BMP2K: variants seen among roughly 807,000 people sequenced by gnomAD.
BMP2K encodes the protein BMP2 inducible kinase.
A neutral mutation model predicts 116.0 loss-of-function variants in BMP2K; 74 were observed. The observed-to-expected ratio is 0.64, with a 90% confidence interval of 0.53 to 0.77. The LOEUF (loss-of-function observed/expected upper bound fraction) is 0.77. BMP2K is among the 30% of genes least tolerant of loss of function. The pLI is 0.00. For missense variants in BMP2K, 1,365 were observed against 1,403.6 expected, an observed-to-expected ratio of 0.97 and a Z score of 0.44; for synonymous variants, 486 against 502.5, an observed-to-expected ratio of 0.97 and a Z score of 0.44.
intron 14 of BMP2K, among the ~76,000 whole-genome samples, chr4:78,880,782 C>T (rs757765711): frequency 9.2e-5 from 14 of 152,180 alleles, no homozygotes; most frequent in African/African-American, 3.1e-4. Context: ...ACTTCATGAT[C>T]AGATGCCATT....
At chr4:78,874,257 A>T (rs1189743496) in intron 13 of BMP2K, among the ~76,000 whole-genome samples, 2 of 152,084 alleles carry the variant, frequency 1.3e-5, no homozygotes, top group East Asian at 3.9e-4. Context: ...TCTAGTTAAA[A>T]TTTTTTGCTT....
At chr4:78,847,747 T>C (rs939073254) in intron 6 of BMP2K, among the ~76,000 whole-genome samples, 53 of 151,894 alleles carry the variant, frequency 3.5e-4, no homozygotes, top group African/African-American at 1.2e-3. Context: ...TCATTTAGCC[T>C]GTATATATCT....
intron 4 of BMP2K, among the ~76,000 whole-genome samples, chr4:78,844,116 A>T (rs934483993): frequency 6.6e-6 from 1 of 151,858 alleles, no homozygotes; most frequent in Non-Finnish European, 1.5e-5. Flanking sequence ...TGTAATAGTA[A>T]TTTATTAGGT....
At chr4:78,801,328 T>C (rs1728557508) in intron 1 of BMP2K, among the ~76,000 whole-genome samples, 1 of 149,584 alleles carries the variant, frequency 6.7e-6, no homozygotes, top group Admixed American at 6.7e-5. Context: ...CTTTATTGCC[T>C]GGATGGTTGA....
intron 1 of BMP2K, among the ~76,000 whole-genome samples, chr4:78,799,320 A>G (rs1034868819): frequency 4.6e-5 from 7 of 152,158 alleles, no homozygotes; most frequent in African/African-American, 1.2e-4. Context: ...AAATTTGCAT[A>G]TAAAACCTAC....
At chr4:78,848,921 A>G (rs1402869259) in intron 6 of BMP2K, among the ~76,000 whole-genome samples, 1 of 151,398 alleles carries the variant, frequency 6.6e-6, no homozygotes, top group Non-Finnish European at 1.5e-5. Context: ...GTGAAACACA[A>G]GTTTGCTACA....
chr4:78,809,561 G>T (rs1266247714), intron 1 of BMP2K, among the ~76,000 whole-genome samples: 1 of 151,664 alleles, frequency 6.6e-6, no homozygotes, highest in African/African-American at 2.4e-5. Flanking sequence ...TTATTGTCTT[G>T]TACAGACGAG....
intron 1 of BMP2K, among the ~76,000 whole-genome samples, chr4:78,780,443 A>G (rs79246790): frequency 0.048 from 7,367 of 152,286 alleles, 565 homozygotes; most frequent in African/African-American, 0.17. Context: ...AAATGCTTAG[A>G]TAAGCTAAGT....
At chr4:78,777,479 T>G (rs952484263) in intron 1 of BMP2K, among the ~76,000 whole-genome samples, 1 of 152,204 alleles carries the variant, frequency 6.6e-6, no homozygotes, top group Admixed American at 6.5e-5. Flanking sequence ...AGAAGTCTAC[T>G]TACAAAAAAA....
chr4:78,845,646 T>C (rs1403195251), intron 5 of BMP2K, among the ~76,000 whole-genome samples: 1 of 151,680 alleles, frequency 6.6e-6, no homozygotes, highest in African/African-American at 2.4e-5. Flanking sequence ...CTTTCTACTT[T>C]TAGAAAATGG....
intron 15 of BMP2K, 128 bp from the exon 16 acceptor site, chr4:78,910,482 T>A: frequency 1.3e-6 from 1 of 782,514 alleles, no homozygotes; most frequent in East Asian, 2.9e-5. Context: ...ATTGACAACA[T>A]TATTTTTTCC....
intron 6 of BMP2K, among the ~76,000 whole-genome samples, chr4:78,847,868 G>C (rs1409098237): frequency 6.6e-6 from 1 of 151,624 alleles, no homozygotes; most frequent in Non-Finnish European, 1.5e-5. Flanking sequence ...ACTTAATAAA[G>C]TAGGAAGAGA....
intron 11 of BMP2K, 47 bp downstream of exon 11, chr4:78,871,107 C>T (rs1175884247): frequency 1.3e-6 from 2 of 1,584,272 alleles, no homozygotes; most frequent in Admixed American, 1.7e-5. Flanking sequence ...GAAATTGATG[C>T]AGCAAATTGA....
At chr4:78,810,472 A>G (rs1234301693) in intron 1 of BMP2K, among the ~76,000 whole-genome samples, 1 of 152,222 alleles carries the variant, frequency 6.6e-6, no homozygotes, top group Non-Finnish European at 1.5e-5. Context: ...TATGACAGCT[A>G]CAATATTATA....
chr4:78,868,107 T>TA (rs1732144199), intron 10 of BMP2K, among the ~76,000 whole-genome samples: 1 of 152,118 alleles, frequency 6.6e-6, no homozygotes, highest in South Asian at 2.1e-4. Context: ...ATACTATACA[T>TA]ACGTATTAGT....
At chr4:78,819,293 G>A (rs1031354720) in intron 1 of BMP2K, among the ~76,000 whole-genome samples, 6 of 152,016 alleles carry the variant, frequency 3.9e-5, no homozygotes, top group Non-Finnish European at 8.8e-5. Flanking sequence ...GATCTTAGGC[G>A]ATCCACCATC....
intron 1 of BMP2K, among the ~76,000 whole-genome samples, chr4:78,777,215 T>A (rs1727292384): frequency 6.6e-6 from 1 of 152,192 alleles, no homozygotes; most frequent in South Asian, 2.1e-4. Flanking sequence ...AATGTATTTG[T>A]GTGCATGTGT....
chr4:78,776,397 T>G lies in BMP2K; in HGVS notation c.-147T>G. 3.8e-6 allele frequency: 3 copies of G among 793,380 alleles called. No homozygotes were observed. The highest frequency in any genetic ancestry group is 4.7e-6 in the Non-Finnish European group (3 of 634,432). 49.1% of individuals were successfully genotyped at this position (793,380 alleles called of 1,614,324 possible). A position where few individuals can be genotyped will look rare whatever the true frequency, so the allele number is the denominator to read the frequency against. ...GGGCGGCGGGGCCCAGGCTGTGCGC[T>G]TGGGGAGCGCGGAATGTGAGGCTTG... On this transcript the variant is annotated 5_prime_UTR_variant, in exon 1 of 16. Transcript: ENST00000502613.
At chr4:78,878,637 C>G in intron 13 of BMP2K, 97 bp from the exon 14 acceptor site, 1 of 1,028,752 alleles carries the variant, frequency 9.7e-7, no homozygotes. Flanking sequence ...ATTTGGTTTT[C>G]TAAGTATTTA....
Sources: gnomAD v4.1 joint callset for allele counts (sites outside exome capture counted in the v4.1 genomes callset) on GRCh38, gnomAD v4.1.1 for gene constraint, MANE v1.5 for transcripts, NCBI Gene and HGNC (gene_info 2026-07-23, HGNC 2026-07-21) for gene names.